The following PRKX variants were observed in gnomAD, a reference collection of about 807,000 sequenced individuals.
PRKX encodes the protein cAMP-dependent protein kinase catalytic subunit PRKX.
PRKX carries 12 observed loss-of-function variants against 22.0 expected under a neutral mutation model. That is an observed-to-expected ratio of 0.54 (90% CI 0.35 to 0.88). The LOEUF (loss-of-function observed/expected upper bound fraction) is 0.88, where lower values mean the gene tolerates loss of function less well. Ranked by LOEUF, PRKX falls within the 40% of genes least tolerant of loss-of-function variation. PRKX has a pLI of 0.01. For missense variants in PRKX, 217 were observed against 308.0 expected, an observed-to-expected ratio of 0.70 and a Z score of 2.21; for synonymous variants, 134 against 137.7, an observed-to-expected ratio of 0.97 and a Z score of 0.19.
intron 1 of PRKX, among the ~76,000 whole-genome samples, chrX:3,703,924 C>T (rs1442279082): frequency 9.1e-6 from 1 of 110,099 alleles, no homozygotes; most frequent in African/African-American, 3.3e-5. Flanking sequence ...CTGCCCACCT[C>T]GGCCCCCAAA....
chrX:3,701,406 T>C (rs771155527), intron 1 of PRKX, among the ~76,000 whole-genome samples: 1 of 112,839 alleles, frequency 8.9e-6, no homozygotes, highest in South Asian at 3.6e-4. Context: ...GTGTGTCGCC[T>C]ACTTTTTCTG....
chrX:3,674,737 C>A lies in PRKX; in HGVS notation c.196G>T (p.Val66Leu). Reference sequence around the variant, plus strand: ...AAATGCTTGGCTGTCTTCTCCTTCACCAGGTGCACCCGCCCGAACGTCCCA... The same window carrying A: ...AAATGCTTGGCTGTCTTCTCCTTCAACAGGTGCACCCGCCCGAACGTCCCA... ...GTGTFGRVHL[V>L]KEKTAKHFFA... Residue 66 changes from valine to leucine, a missense_variant, in exon 2 of 9, where the codon GTG becomes TTG. Coordinates refer to ENST00000262848, the MANE Select transcript of PRKX (RefSeq NM_005044.5). The A allele has an allele frequency of 8.3e-7, 1 of 1,210,980 alleles. No homozygotes were observed. Among genetic ancestry groups the A allele is most frequent in the Non-Finnish European group, 1.1e-6 (1 of 894,762 alleles).
chrX:3,617,007 C>T (rs1158713261), intron 6 of PRKX, among the ~76,000 whole-genome samples: 2 of 110,997 alleles, frequency 1.8e-5, no homozygotes, highest in African/African-American at 6.5e-5. Flanking sequence ...TACATATATA[C>T]ACACATAGAT....
At chrX:3,613,523 G>A (rs144028826) in intron 7 of PRKX, among the ~76,000 whole-genome samples, 1,531 of 110,070 alleles carry the variant, frequency 0.014, 14 homozygotes, top group Non-Finnish European at 0.021. Context: ...ATACAATAAA[G>A]TATTTGAAAA....
In PRKX at chrX:3,705,795, C is replaced by T. The variant is rs756020537; in HGVS notation, c.166+7293G>A. The stretch of plus-strand genomic sequence containing the variant: ...TCCACCTCCCGGGTTCATGCCATTC[C>T]GCTGCCTCAGCCTCCCCAGCAGCTG... On this transcript the variant is annotated intron_variant, in intron 1 of 8. Transcript: ENST00000262848. 1.6e-3 allele frequency among the ~76,000 whole-genome samples: 167 copies of T among 107,541 alleles called. 1 individual carries two copies. Among genetic ancestry groups the T allele is most frequent in the African/African-American group, 5.1e-3 (149 of 29,377 alleles). The allele number at this position is 107,541 out of a possible 115,157, so 93.4% of individuals were successfully genotyped here.
chrX:3,632,930 T>C (rs1926814025), intron 4 of PRKX, among the ~76,000 whole-genome samples: 1 of 112,963 alleles, frequency 8.9e-6, no homozygotes, highest in Non-Finnish European at 1.9e-5. Context: ...GAAAAATTCA[T>C]GCCCAGGCTA....
chrX:3,612,979 T>A (rs1926329542), intron 7 of PRKX, among the ~76,000 whole-genome samples: 1 of 106,930 alleles, frequency 9.4e-6, no homozygotes, highest in Non-Finnish European at 1.9e-5. Flanking sequence ...GGAGAAACCC[T>A]GTCTCTACCG....
rs1321283207 is a variant in PRKX at position 3,606,296 on chromosome X, T to C, written c.*2673A>G. 3 of 112,910 alleles carry C rather than the reference T, an allele frequency of 2.7e-5. No homozygotes were observed. The highest frequency in any genetic ancestry group is 3.7e-5 in the Non-Finnish European group (2 of 53,384). The allele number at this position is 112,910 out of a possible 1,213,427, so 9.3% of individuals were successfully genotyped here. A position where few individuals can be genotyped will look rare whatever the true frequency, so the allele number is the denominator to read the frequency against. The stretch of plus-strand genomic sequence containing the variant: ...ACCGTGATTGTTTCGTGATCATCCA[T>C]GCGGACATTTCGCACCGTGATTGTT... On this transcript the variant is annotated 3_prime_UTR_variant, in exon 9 of 9. Coordinates refer to ENST00000262848, the MANE Select transcript of PRKX (RefSeq NM_005044.5).
At position 3,607,875 on chromosome X, in the gene PRKX, CTTCT is replaced by C. The variant is rs1926212035; in HGVS notation, c.*1090_*1093del. On this transcript the variant is annotated 3_prime_UTR_variant, in exon 9 of 9. Transcript: ENST00000262848. ...ATCTTCAAAAGCACAAAGCCATTGC[CTTCT>C]TTTTTTTTTTTTTTTTTTTTGGACA... 3.1e-5 allele frequency: 3 copies of C among 97,870 alleles called. No homozygotes were observed. Among genetic ancestry groups the C allele is most frequent in the African/African-American group, 7.5e-5 (2 of 26,524 alleles). The allele number at this position is 97,870 out of a possible 1,213,427, so 8.1% of individuals were successfully genotyped here.
intron 1 of PRKX, among the ~76,000 whole-genome samples, chrX:3,685,439 C>G (rs141750592): frequency 9.0e-6 from 1 of 111,307 alleles, no homozygotes; most frequent in Non-Finnish European, 1.9e-5. Context: ...TGACAAGCCC[C>G]CTAACCTCTC....
At chrX:3,697,877 G>A (rs1450466914) in intron 1 of PRKX, among the ~76,000 whole-genome samples, 1 of 111,812 alleles carries the variant, frequency 8.9e-6, no homozygotes, top group Admixed American at 9.5e-5. Flanking sequence ...TCTTTACACA[G>A]TCTGGGAACC....
At chrX:3,668,562 G>A (rs867171681) in intron 2 of PRKX, among the ~76,000 whole-genome samples, 1 of 111,698 alleles carries the variant, frequency 9.0e-6, no homozygotes, top group Non-Finnish European at 1.9e-5. Context: ...CACTCTCCCC[G>A]AAGAAGAGGT....
chrX:3,696,486 C>T (rs886097870), intron 1 of PRKX, among the ~76,000 whole-genome samples: 1 of 112,203 alleles, frequency 8.9e-6, no homozygotes, highest in African/African-American at 3.2e-5. Context: ...AATCACCTAA[C>T]GTGAAGCCTA....
At chrX:3,652,913 A>G (rs1228929837) in intron 3 of PRKX, among the ~76,000 whole-genome samples, 1 of 110,801 alleles carries the variant, frequency 9.0e-6, no homozygotes, top group Admixed American at 9.6e-5. Flanking sequence ...CTCCAAGCCA[A>G]GGAGAGAGGC....
At chrX:3,689,834 G>A (rs772937077) in intron 1 of PRKX, among the ~76,000 whole-genome samples, 13 of 111,454 alleles carry the variant, frequency 1.2e-4, no homozygotes, top group South Asian at 3.8e-4. Flanking sequence ...AAAATTAGCC[G>A]AGTGTGGTGG....
At chrX:3,687,546 T>G (rs916864274) in intron 1 of PRKX, among the ~76,000 whole-genome samples, 7 of 111,644 alleles carry the variant, frequency 6.3e-5, no homozygotes, top group Non-Finnish European at 1.3e-4. Flanking sequence ...CAAACACAGC[T>G]GGCACAACAG....
At chrX:3,659,726 T>G (rs1414396875) in intron 2 of PRKX, among the ~76,000 whole-genome samples, 463 of 28,262 alleles carry the variant, frequency 0.016, 5 homozygotes, top group African/African-American at 0.091. Flanking sequence ...TGTTTTTTTT[T>G]TTGTTTTTTT....
At chrX:3,704,500 CA>C (rs112892142) in intron 1 of PRKX, among the ~76,000 whole-genome samples, 80 of 109,223 alleles carry the variant, frequency 7.3e-4, no homozygotes, top group African/African-American at 2.5e-3. Context: ...CTATCTCTAC[CA>C]AAAAAAAATC....
intron 3 of PRKX, among the ~76,000 whole-genome samples, chrX:3,649,313 C>T (rs1927259950): frequency 9.1e-6 from 1 of 109,301 alleles, no homozygotes; most frequent in African/African-American, 3.3e-5. Context: ...AAATTAAACA[C>T]ATCAGTATTT....
Sources: allele counts gnomAD v4.1 joint callset (sites outside exome capture counted in the v4.1 genomes callset), GRCh38; gene constraint gnomAD v4.1.1; transcripts MANE v1.5; gene names NCBI Gene and HGNC (gene_info 2026-07-23, HGNC 2026-07-21).